The following FNDC3B variants were observed in gnomAD, a reference collection of about 807,000 sequenced individuals.
FNDC3B encodes fibronectin type III domain containing 3B.
Under a neutral mutation model 151.5 loss-of-function variants are expected in FNDC3B, and 12 were observed. The observed-to-expected ratio is 0.08, with a 90% CI of 0.05 to 0.13. The LOEUF is 0.13. FNDC3B is among the 10% of genes least tolerant of loss of function. The probability of loss-of-function intolerance (pLI) is 1.00; values close to 1 mark genes in which losing one functional copy is unlikely to be tolerated. For synonymous variants in FNDC3B, 528 were observed against 549.0 expected, an observed-to-expected ratio of 0.96 and a Z score of 0.54; for missense variants, 1,214 against 1,505.3, an observed-to-expected ratio of 0.81 and a Z score of 3.20.
intron 6 of FNDC3B, among the ~76,000 whole-genome samples, chr3:172,280,644 A>G (rs1729661697): frequency 6.6e-6 from 1 of 152,242 alleles, no homozygotes; most frequent in African/African-American, 2.4e-5. Context: ...TTACAACCAG[A>G]AATACATTCT....
At chr3:172,370,890 A>T (rs917872291) in intron 23 of FNDC3B, among the ~76,000 whole-genome samples, 1 of 152,212 alleles carries the variant, frequency 6.6e-6, no homozygotes, top group Non-Finnish European at 1.5e-5. Flanking sequence ...AGCCTTTTCT[A>T]TTATCAGCAT....
At chr3:172,320,797 G>GGA (rs1732045110) in intron 11 of FNDC3B, among the ~76,000 whole-genome samples, 2 of 152,194 alleles carry the variant, frequency 1.3e-5, no homozygotes, top group African/African-American at 4.8e-5. Context: ...TGAGCCATGA[G>GGA]TTGTGTTCCT....
At chr3:172,091,681 T>G (rs1335656234) in intron 1 of FNDC3B, among the ~76,000 whole-genome samples, 20 of 152,336 alleles carry the variant, frequency 1.3e-4, no homozygotes, top group Admixed American at 9.1e-4. Context: ...TAAGAATACG[T>G]ATTCATATCT....
At chr3:172,386,908 A>G (rs1188674828) in intron 25 of FNDC3B, among the ~76,000 whole-genome samples, 1 of 152,146 alleles carries the variant, frequency 6.6e-6, no homozygotes, top group African/African-American at 2.4e-5. Context: ...GGTATCACAA[A>G]GAGTACCACA....
chr3:172,311,428 C>T lies in FNDC3B; in HGVS notation c.1254+547C>T, dbSNP rs114511323. Among the ~76,000 whole-genome samples, 644 of 152,042 alleles carry T rather than the reference C, an allele frequency of 4.2e-3. 9 individuals carry two copies. Among genetic ancestry groups the T allele is most frequent in the Non-Finnish European group, 6.5e-3 (443 of 67,970 alleles). Reference sequence around the variant, plus strand: ...CCTTGCTGTTCATGTCACCAGAGGCCCTTGGAAGGTATCTACGGTGGAGTG... The same window carrying T: ...CCTTGCTGTTCATGTCACCAGAGGCTCTTGGAAGGTATCTACGGTGGAGTG... On this transcript the variant is annotated intron_variant, in intron 11 of 25. Transcript: ENST00000415807.
At chr3:172,090,679 G>A (rs1352754011) in intron 1 of FNDC3B, among the ~76,000 whole-genome samples, 1 of 152,022 alleles carries the variant, frequency 6.6e-6, no homozygotes, top group African/African-American at 2.4e-5. Context: ...TGTGTGATCC[G>A]GGTACTGAAG....
chr3:172,094,370 A>C (rs1465992704), intron 1 of FNDC3B, among the ~76,000 whole-genome samples: 1 of 152,212 alleles, frequency 6.6e-6, no homozygotes, highest in Admixed American at 6.5e-5. Flanking sequence ...ACATTTGCCT[A>C]TTCTGGACAT....
At position 172,399,512 on chromosome 3, in the gene FNDC3B, G is replaced by T. The variant is rs1736467171; in HGVS notation, c.*2037G>T. ...TTCTGTGTGCCTATATTGACGTAGT[G>T]AGTACTAGAGAGTTCTGTATTTTAT... is the stretch of plus-strand genomic sequence containing the variant. On this transcript the variant is annotated 3_prime_UTR_variant, in exon 26 of 26. Transcript: ENST00000415807. 6.6e-6 allele frequency: 1 copy of T among 152,606 alleles called. No individual in the cohort carries two copies. 9.5% of individuals were successfully genotyped at this position (152,606 alleles called of 1,614,324 possible).
chr3:172,330,608 C>T lies in FNDC3B; in HGVS notation c.1447C>T (p.Leu483=), dbSNP rs1011884745. The change falls in exon 13 of 26, where the codon CTG becomes TTG. Residue 483 remains leucine (L), a synonymous_variant. Transcript: ENST00000415807. The part of the protein sequence containing the change: ...NIPQMPSAPR[L]VRAGITWVTL... ...CCCTCAGATGCCTTCTGCACCAAGG[C>T]TGGTTCGAGCTGGCATCACATGGGT... 6.2e-7 allele frequency: 1 copy of T among 1,614,158 alleles called. No homozygotes were observed. Among genetic ancestry groups the T allele is most frequent in the Non-Finnish European group, 8.5e-7 (1 of 1,179,962 alleles).
intron 3 of FNDC3B, among the ~76,000 whole-genome samples, chr3:172,165,446 G>A (rs548766706): frequency 5.3e-4 from 80 of 152,288 alleles, no homozygotes; most frequent in Non-Finnish European, 9.4e-4. Flanking sequence ...CTGACACTGG[G>A]AATCTAAATG....
In FNDC3B at chr3:172,341,395, A is replaced by G. The variant is rs114610854; in HGVS notation, c.1971+164A>G. ...TAGAGCTTTCTGAATTGCTGTTTAG[A>G]GGTATAAGATAGGCCTAAATGATTC... On this transcript the variant is annotated intron_variant, in intron 17 of 25. Coordinates refer to ENST00000415807, the MANE Select transcript of FNDC3B (RefSeq NM_022763.4). 5.4e-3 allele frequency among the ~76,000 whole-genome samples: 826 copies of G among 152,322 alleles called. 4 individuals are homozygous for G. Among genetic ancestry groups the G allele is most frequent in the Non-Finnish European group, 9.4e-3 (642 of 68,026 alleles).
rs1274647293 is a variant in FNDC3B at position 172,397,505 on chromosome 3, G to C, written c.*30G>C. Reference sequence around the variant, plus strand: ...AACAAAACTAGAGGTATGAATTAATGCTACACATTTTAATACACACATTTA... The same window carrying C: ...AACAAAACTAGAGGTATGAATTAATCCTACACATTTTAATACACACATTTA... On this transcript the variant is annotated 3_prime_UTR_variant, in exon 26 of 26. Transcript: ENST00000415807. 4 of 1,406,866 alleles carry C rather than the reference G, an allele frequency of 2.8e-6. No homozygotes were observed. The African/African-American group carries it at 4.3e-5, about 15-fold the overall frequency. The allele number at this position is 1,406,866 out of a possible 1,614,324, so 87.1% of individuals were successfully genotyped here.
intron 2 of FNDC3B, among the ~76,000 whole-genome samples, chr3:172,115,516 A>G (rs1320406039): frequency 6.6e-6 from 1 of 152,200 alleles, no homozygotes; most frequent in Non-Finnish European, 1.5e-5. Context: ...AGGTGGTTCC[A>G]TGTTAAAGGA....
intron 11 of FNDC3B, among the ~76,000 whole-genome samples, chr3:172,314,340 G>A (rs897513742): frequency 6.6e-6 from 1 of 152,220 alleles, no homozygotes; most frequent in African/African-American, 2.4e-5. Context: ...GAGGTGCACA[G>A]AGACACAAAT....
chr3:172,321,742 T>A, intron 11 of FNDC3B: 1 of 197,972 alleles, frequency 5.1e-6, no homozygotes, highest in Non-Finnish European at 9.8e-6. Context: ...TTTTTATGTT[T>A]ATTATTTATT....
intron 22 of FNDC3B, 112 bp from the exon 23 acceptor site, chr3:172,362,521 A>C (rs909593492): frequency 1.2e-6 from 1 of 824,874 alleles, no homozygotes; most frequent in Non-Finnish European, 2.0e-6. Context: ...TCTTCATTCT[A>C]TGTTATTGCT....
chr3:172,151,804 C>T (rs534930705), intron 3 of FNDC3B, among the ~76,000 whole-genome samples: 49 of 152,192 alleles, frequency 3.2e-4, no homozygotes, highest in Middle Eastern at 3.4e-3. Flanking sequence ...TTGTTTCCTT[C>T]GATGTGGATT....
chr3:172,378,506 G>A (rs1735273488), intron 24 of FNDC3B, 70 bp downstream of exon 24: 1 of 1,338,088 alleles, frequency 7.5e-7, no homozygotes, highest in South Asian at 1.6e-5. Context: ...ATAGAAAGAA[G>A]CTCTTTTCTG....
chr3:172,146,350 C>A (rs1721906900), intron 3 of FNDC3B, among the ~76,000 whole-genome samples: 1 of 152,094 alleles, frequency 6.6e-6, no homozygotes, highest in Admixed American at 6.5e-5. Flanking sequence ...TGTGTATTAA[C>A]AGTGGCTTAT....
Sources: gnomAD v4.1 joint callset for allele counts (sites outside exome capture counted in the v4.1 genomes callset) on GRCh38, gnomAD v4.1.1 for gene constraint, MANE v1.5 for transcripts, NCBI Gene and HGNC (gene_info 2026-07-23, HGNC 2026-07-21) for gene names.